Variants in MTMR3 observed in about 807,000 individuals in gnomAD.
The protein encoded by MTMR3 is myotubularin related protein 3.
In MTMR3, 32 loss-of-function variants were observed where a neutral mutation model predicts 132.4. The observed-to-expected ratio is 0.24, with a 90% CI of 0.18 to 0.32. The LOEUF (loss-of-function observed/expected upper bound fraction) is 0.32, where lower values mean the gene tolerates loss of function less well. Ranked by LOEUF, MTMR3 falls within the 10% of genes least tolerant of loss-of-function variation. The pLI, the probability that MTMR3 is intolerant of heterozygous loss-of-function variation, is 1.00. For missense variants in MTMR3, 1,216 were observed against 1,489.6 expected (o/e 0.82, Z 3.02); for synonymous variants, 556 against 550.3 (o/e 1.01, Z -0.14).
rs371245614 is a variant in MTMR3 at position 30,019,343 on chromosome 22, G to A, written c.1821-137G>A. ...TTGCTGCTCCAGCAGTCTGGGCCTC[G>A]CTCCAGAGATGCTACAGCTCCATGA... is the stretch of plus-strand genomic sequence containing the variant. On this transcript the variant is annotated intron_variant, in intron 16 of 19. Coordinates refer to ENST00000401950, the MANE Select transcript of MTMR3 (RefSeq NM_021090.4). 74 of 800,204 alleles carry A rather than the reference G, an allele frequency of 9.2e-5. No individual in the cohort carries two copies. In the East Asian group the frequency reaches 1.8e-3, roughly 20 times the overall value. The allele number at this position is 800,204 out of a possible 1,614,324, so 49.6% of individuals were successfully genotyped here. A position where few individuals can be genotyped will look rare whatever the true frequency, so the allele number is the denominator to read the frequency against.
chr22:30,002,057 A>T (rs2067186615), intron 8 of MTMR3: 1 of 152,224 alleles, frequency 6.6e-6, no homozygotes, highest in Non-Finnish European at 1.5e-5. Context: ...CACTATTGAA[A>T]AAAGAAGATT....
chr22:29,949,925 A>G (rs981872530), intron 1 of MTMR3, among the ~76,000 whole-genome samples: 26 of 152,114 alleles, frequency 1.7e-4, no homozygotes, highest in Admixed American at 6.5e-4. Flanking sequence ...TGATTTAGGC[A>G]TTGCTATTGA....
chr22:29,928,733 C>T (rs1173608913), intron 1 of MTMR3, among the ~76,000 whole-genome samples: 2 of 151,992 alleles, frequency 1.3e-5, no homozygotes, highest in East Asian at 3.9e-4. Context: ...TAGGCTGATC[C>T]TGAACTCCTG....
At chr22:29,972,559 C>T (rs1285431116) in intron 3 of MTMR3, among the ~76,000 whole-genome samples, 3 of 152,076 alleles carry the variant, frequency 2.0e-5, no homozygotes, top group African/African-American at 7.2e-5. Flanking sequence ...CCACCAGAAC[C>T]CATGGTTGTA....
chr22:29,933,531 A>G (rs553693633), intron 1 of MTMR3, among the ~76,000 whole-genome samples: 15 of 152,228 alleles, frequency 9.9e-5, no homozygotes, highest in South Asian at 4.1e-4. Context: ...CTATCGGTCA[A>G]GTTATTTTAA....
rs1242443588 is a variant in MTMR3, at chr22:29,970,967, C to G, written c.-84-9C>G. On this transcript the variant is annotated splice_polypyrimidine_tract_variant and intron_variant, in intron 2 of 19. Transcript: ENST00000401950. ...TTTTCTTCTTCCCCCTCTTCCCCCC[C>G]ACCCCCAGACTTCACCATAAGGGAA... is the stretch of plus-strand genomic sequence containing the variant. 1.5e-5 allele frequency: 15 copies of G among 970,076 alleles called. No individual in the cohort carries two copies. The South Asian group carries it at 1.7e-4, about 11-fold the overall frequency. The allele number at this position is 970,076 out of a possible 1,614,324, so 60.1% of individuals were successfully genotyped here. A position where few individuals can be genotyped will look rare whatever the true frequency, so the allele number is the denominator to read the frequency against.
intron 1 of MTMR3, among the ~76,000 whole-genome samples, chr22:29,889,104 A>G (rs1200693731): frequency 2.0e-5 from 3 of 151,950 alleles, no homozygotes; most frequent in Non-Finnish European, 4.4e-5. Flanking sequence ...TATGCCTATC[A>G]TTTTTCCATG....
intron 1 of MTMR3, among the ~76,000 whole-genome samples, chr22:29,886,968 G>T (rs1453515985): frequency 6.6e-6 from 1 of 152,096 alleles, no homozygotes; most frequent in South Asian, 2.1e-4. Flanking sequence ...TTTATAATCA[G>T]TGTAACATTG....
rs376843762 is a variant in MTMR3 at position 29,903,350 on chromosome 22, G to A, written c.-138+19991G>A. On this transcript the variant is annotated intron_variant, in intron 1 of 19. Transcript: ENST00000401950. ...GCCATAGGTGGTTTGACGTTTCAGAGAATAGCAGTGTTTTTGATTTTCTTT... is the reference window on the plus strand; with the variant it reads ...GCCATAGGTGGTTTGACGTTTCAGAAAATAGCAGTGTTTTTGATTTTCTTT... 7.3e-5 allele frequency among the ~76,000 whole-genome samples: 11 copies of A among 151,540 alleles called. No individual in the cohort carries two copies. In the South Asian group the frequency reaches 1.9e-3, roughly 26 times the overall value.
At chr22:29,906,278 GTCTGTCTGT>G (rs2065097701) in intron 1 of MTMR3, among the ~76,000 whole-genome samples, 1 of 68,306 alleles carries the variant, frequency 1.5e-5, no homozygotes, top group African/African-American at 6.8e-5. Flanking sequence ...CTGTCTGTCT[GTCTGTCTGT>G]CTATCTATCT....
At chr22:30,018,133 C>T (rs139266765) in intron 16 of MTMR3, 61 bp downstream of exon 16, 4 of 1,507,730 alleles carry the variant, frequency 2.7e-6, no homozygotes, top group East Asian at 4.8e-5. Flanking sequence ...TGTGTTGGGA[C>T]GTGTGCAGGG....
chr22:30,022,738 G>A (rs768767361), intron 19 of MTMR3, 41 bp downstream of exon 19: 5 of 1,557,484 alleles, frequency 3.2e-6, no homozygotes, highest in Non-Finnish European at 3.5e-6. Flanking sequence ...TGTGTGTGGA[G>A]GTTGAGGGTC....
intron 1 of MTMR3, among the ~76,000 whole-genome samples, chr22:29,912,602 T>C (rs1255987496): frequency 1.3e-5 from 2 of 152,150 alleles, no homozygotes; most frequent in African/African-American, 4.8e-5. Context: ...TAATAAGCTG[T>C]TGTCATTATG....
chr22:29,986,611 C>A (rs1465284578), intron 5 of MTMR3: 7 of 980,182 alleles, frequency 7.1e-6, no homozygotes, highest in African/African-American at 1.8e-5. Flanking sequence ...AAACAGAAGG[C>A]CAAAAGCTCC....
chr22:29,912,546 G>C (rs2065234489), intron 1 of MTMR3, among the ~76,000 whole-genome samples: 1 of 152,216 alleles, frequency 6.6e-6, no homozygotes, highest in South Asian at 2.1e-4. Context: ...AAAGTGCTAG[G>C]AGGATTGCAG....
chr22:29,962,211 G>C (rs1159905291), intron 2 of MTMR3, among the ~76,000 whole-genome samples: 1 of 152,164 alleles, frequency 6.6e-6, no homozygotes, highest in Non-Finnish European at 1.5e-5. Context: ...GCGAACTTCT[G>C]CTTACCAATT....
At position 29,885,721 on chromosome 22, in the gene MTMR3, C is replaced by G. The variant is rs189370999; in HGVS notation, c.-138+2362C>G. ...CCGGGTTGTGAACCAGGAAGGGTTACTATGTATTGTGAAAAGTTCTTGAGA... is the reference window on the plus strand; with the variant it reads ...CCGGGTTGTGAACCAGGAAGGGTTAGTATGTATTGTGAAAAGTTCTTGAGA... On this transcript the variant is annotated intron_variant, in intron 1 of 19. Transcript: ENST00000401950. Among the ~76,000 whole-genome samples, 453 of 152,222 alleles carry G rather than the reference C, an allele frequency of 3.0e-3. 2 individuals are homozygous for G. The highest frequency in any genetic ancestry group is 0.011 in the African/African-American group (436 of 41,524).
At chr22:29,968,125 G>A (rs1220958562) in intron 2 of MTMR3, among the ~76,000 whole-genome samples, 2 of 152,054 alleles carry the variant, frequency 1.3e-5, no homozygotes, top group Non-Finnish European at 2.9e-5. Flanking sequence ...GGAACTGATG[G>A]GACATATGAT....
At chr22:29,996,551 A>C (rs6006321) in intron 7 of MTMR3, 11 of 152,136 alleles carry the variant, frequency 7.2e-5, no homozygotes, top group South Asian at 6.2e-4. Flanking sequence ...GAAAAGCACA[A>C]AAAAAATAAA....
Sources: allele counts gnomAD v4.1 joint callset (sites outside exome capture counted in the v4.1 genomes callset), GRCh38; gene constraint gnomAD v4.1.1; transcripts MANE v1.5; gene names NCBI Gene and HGNC (gene_info 2026-07-23, HGNC 2026-07-21).